The following GPR143 variants were observed in gnomAD, a reference collection of about 807,000 sequenced individuals.
GPR143 encodes G-protein coupled receptor 143.
GPR143 carries 8 observed loss-of-function variants against 27.6 expected under a neutral mutation model. The observed-to-expected ratio is 0.29, with a 90% CI of 0.17 to 0.52. The LOEUF (loss-of-function observed/expected upper bound fraction) is 0.52, where lower values mean the gene tolerates loss of function less well. GPR143 is among the 20% of genes least tolerant of loss of function. The pLI is 0.96. For missense variants in GPR143, 303 were observed against 343.1 expected (o/e 0.88, Z 0.92); for synonymous variants, 156 against 153.2 (o/e 1.02, Z -0.13).
At chrX:9,750,242 C>T (rs2083445778) in intron 3 of GPR143, among the ~76,000 whole-genome samples, 2 of 112,278 alleles carry the variant, frequency 1.8e-5, no homozygotes, top group Non-Finnish European at 3.8e-5. Context: ...TAGAGTCTCA[C>T]TCTGTGGCCC....
rs761181876 is a variant in GPR143, at chrX:9,725,558, G to A, written c.*188C>T. On this transcript the variant is annotated 3_prime_UTR_variant, in exon 9 of 9. Transcript: ENST00000467482. ...GGAGGGGGCTCTTCCATTCTCACACGTGTGTGCATGAACCCTTTCTCCTAT... is the reference window on the plus strand; with the variant it reads ...GGAGGGGGCTCTTCCATTCTCACACATGTGTGCATGAACCCTTTCTCCTAT... The A allele has an allele frequency of 7.1e-5, 30 of 421,980 alleles. No homozygotes were observed. The highest frequency in any genetic ancestry group is 1.4e-4 in the South Asian group (4 of 28,565). 34.8% of individuals were successfully genotyped at this position (421,980 alleles called of 1,213,427 possible). A position where few individuals can be genotyped will look rare whatever the true frequency, so the allele number is the denominator to read the frequency against.
intron 1 of GPR143, among the ~76,000 whole-genome samples, chrX:9,761,746 T>C (rs1181367254): frequency 8.9e-6 from 1 of 112,654 alleles, no homozygotes; most frequent in African/African-American, 3.2e-5. Context: ...CAAAACAGTA[T>C]GCACACTCAT....
upstream of GPR143, among the ~76,000 whole-genome samples, chrX:9,770,870 G>C (rs1278118601): frequency 8.9e-6 from 1 of 112,254 alleles, no homozygotes; most frequent in Non-Finnish European, 1.9e-5. Context: ...TCCACCAGAT[G>C]ACCAACAGCA....
At chrX:9,759,605 G>A (rs773891058) in intron 2 of GPR143, among the ~76,000 whole-genome samples, 179 bp from the exon 3 acceptor site, 2 of 111,743 alleles carry the variant, frequency 1.8e-5, no homozygotes, top group African/African-American at 6.5e-5. Context: ...CCTGGGATAG[G>A]TGTAGGCATT....
At chrX:9,743,712 T>C (rs370727361) in intron 5 of GPR143, 39 bp from the exon 6 acceptor site, 21 of 822,671 alleles carry the variant, frequency 2.6e-5, no homozygotes, top group Non-Finnish European at 3.7e-5. Context: ...GTGTTCATTA[T>C]TCATGTTTAC....
At chrX:9,735,288 G>T (rs911069307) in intron 8 of GPR143, among the ~76,000 whole-genome samples, 3 of 111,893 alleles carry the variant, frequency 2.7e-5, no homozygotes, top group African/African-American at 9.8e-5. Context: ...CGCCCTAGCA[G>T]AATCTTTATA....
At chrX:9,738,463 C>A in intron 8 of GPR143, 1 of 728,482 alleles carries the variant, frequency 1.4e-6, no homozygotes, top group South Asian at 7.0e-5. Flanking sequence ...CTTTTAGCTT[C>A]AGCCAGAACT....
intron 1 of GPR143, among the ~76,000 whole-genome samples, chrX:9,763,980 AGGAAATATTTTTTAATTTT>A (rs2083514864): frequency 8.9e-6 from 1 of 112,786 alleles, no homozygotes; most frequent in Non-Finnish European, 1.9e-5. Flanking sequence ...GTCACATGCC[AGGAAATATTTTTTAATTTT>A]GATTTTTAAA....
At chrX:9,736,872 T>A (rs189186910) in intron 8 of GPR143, among the ~76,000 whole-genome samples, 2,507 of 112,449 alleles carry the variant, frequency 0.022, 73 homozygotes, top group African/African-American at 0.076. Context: ...AATGATTTTT[T>A]AAAATATTTT....
rs772540710 is a variant in GPR143 at position 9,765,546 on chromosome X, C to A, written c.250+22G>T. ...CCCAGGCGCTGATCAGATTCCAACC[C>A]GCGGGCCGCGCGCGCCCTTACCCAG... On this transcript the variant is annotated intron_variant, in intron 1 of 8. Coordinates refer to ENST00000467482, the MANE Select transcript of GPR143 (RefSeq NM_000273.3). The A allele has an allele frequency of 2.8e-5, 30 of 1,082,607 alleles. No homozygotes were observed. In the South Asian group the frequency reaches 6.6e-4, roughly 24 times the overall value. 89.2% of individuals were successfully genotyped at this position (1,082,607 alleles called of 1,213,427 possible). A position where few individuals can be genotyped will look rare whatever the true frequency, so the allele number is the denominator to read the frequency against.
intron 3 of GPR143, among the ~76,000 whole-genome samples, chrX:9,758,266 T>C (rs1260997785): frequency 2.7e-5 from 3 of 111,854 alleles, no homozygotes; most frequent in African/African-American, 9.8e-5. Context: ...GCAGCCCACC[T>C]ACTGTAACAG....
At chrX:9,735,684 T>G (rs1038488019) in intron 8 of GPR143, among the ~76,000 whole-genome samples, 5 of 112,343 alleles carry the variant, frequency 4.5e-5, no homozygotes, top group Non-Finnish European at 9.4e-5. Flanking sequence ...AGTTAACTTG[T>G]GTGAAGTACC....
intron 1 of GPR143, among the ~76,000 whole-genome samples, chrX:9,762,411 G>T (rs144330995): frequency 0.019 from 2,101 of 110,729 alleles, 49 homozygotes; most frequent in African/African-American, 0.064. Flanking sequence ...AGTATGCTAG[G>T]TAATATAAAG....
chrX:9,749,101 G>T (rs2146691966), intron 3 of GPR143, among the ~76,000 whole-genome samples: 1 of 112,062 alleles, frequency 8.9e-6, no homozygotes, highest in African/African-American at 3.2e-5. Flanking sequence ...CAATTGGTTA[G>T]GTGGTTGGAG....
intron 1 of GPR143, among the ~76,000 whole-genome samples, chrX:9,762,672 T>C (rs374918486): frequency 1.8e-5 from 2 of 111,826 alleles, no homozygotes; most frequent in East Asian, 5.6e-4. Context: ...ACTAAAAAGC[T>C]CAAGACATCT....
At chrX:9,756,429 TATC>T (rs58471590) in intron 3 of GPR143, among the ~76,000 whole-genome samples, 1,533 of 112,436 alleles carry the variant, frequency 0.014, 37 homozygotes, top group African/African-American at 0.047. Flanking sequence ...CTTTGAAAGA[TATC>T]ATCAAGTAGG....
intron 5 of GPR143, among the ~76,000 whole-genome samples, chrX:9,744,218 T>G (rs2146688241): frequency 9.0e-6 from 1 of 110,637 alleles, no homozygotes. Flanking sequence ...ACGTCTGTAA[T>G]CCCAGCTATC....
chrX:9,772,813 C>CA (rs57110568), intron 1 of GPR143, among the ~76,000 whole-genome samples: 1,200 of 49,515 alleles, frequency 0.024, 47 homozygotes, highest in African/African-American at 0.086. Flanking sequence ...GATCCTGTCT[C>CA]AAAAAAAAAA....
chrX:9,757,834 G>A (rs757278470), intron 3 of GPR143, among the ~76,000 whole-genome samples: 3 of 111,182 alleles, frequency 2.7e-5, no homozygotes, highest in Admixed American at 9.7e-5. Context: ...ACAGTGACAC[G>A]ATCATGTGCT....
Sources: gnomAD v4.1 joint callset for allele counts (sites outside exome capture counted in the v4.1 genomes callset) on GRCh38, gnomAD v4.1.1 for gene constraint, MANE v1.5 for transcripts, NCBI Gene and HGNC (gene_info 2026-07-23, HGNC 2026-07-21) for gene names.